APBB2: variants seen among roughly 807,000 people sequenced by gnomAD.
The protein encoded by APBB2 is amyloid beta precursor protein binding family B member 2, also known as Fe65-like 1.
In APBB2, 38 loss-of-function variants were observed where a neutral mutation model predicts 82.5. The observed-to-expected ratio is 0.46, with a 90% CI of 0.36 to 0.60. The LOEUF is 0.60. Among genes scored for constraint, APBB2 ranks in the 20% least tolerant of loss-of-function variants. The pLI, the probability that APBB2 is intolerant of heterozygous loss-of-function variation, is 0.00. For synonymous variants in APBB2, 341 were observed against 368.2 expected (o/e 0.93, Z 0.85); for missense variants, 772 against 972.3 (o/e 0.79, Z 2.74).
intron 1 of APBB2, among the ~76,000 whole-genome samples, chr4:41,194,665 A>AAAAAT: frequency 0.03 from 4,601 of 152,154 alleles, 139 homozygotes; most frequent in African/African-American, 0.08. Flanking sequence ...CCTTGCCTCA[A>AAAAAT]AAAATAAAAT....
chr4:40,986,210 C>T (rs1266407479), intron 6 of APBB2, among the ~76,000 whole-genome samples: 1 of 152,132 alleles, frequency 6.6e-6, no homozygotes, highest in Non-Finnish European at 1.5e-5. Context: ...TAAAAAAATT[C>T]CAAAACAATC....
At chr4:40,857,048 A>G in intron 12 of APBB2, 1 of 985,562 alleles carries the variant, frequency 1.0e-6, no homozygotes, top group Non-Finnish European at 1.2e-6. Flanking sequence ...GTCCTTCCGA[A>G]GTCGGGCGGG....
chr4:41,164,671 T>C (rs1309742676), intron 1 of APBB2, among the ~76,000 whole-genome samples: 1 of 152,218 alleles, frequency 6.6e-6, no homozygotes, highest in African/African-American at 2.4e-5. Context: ...TCACTTCTCG[T>C]TAAATGTTAA....
At chr4:41,139,387 C>A (rs1560855083) in intron 2 of APBB2, among the ~76,000 whole-genome samples, 1 of 152,018 alleles carries the variant, frequency 6.6e-6, no homozygotes, top group Non-Finnish European at 1.5e-5. Flanking sequence ...TCACAAAAAA[C>A]CTAAAACTGA....
In APBB2 at chr4:40,811,985, C is replaced by T. The variant is rs750106284; in HGVS notation, c.*4107G>A. 5.3e-5 allele frequency: 8 copies of T among 152,126 alleles called. No homozygotes were observed. The highest frequency in any genetic ancestry group is 8.8e-5 in the Non-Finnish European group (6 of 68,022). 9.4% of individuals were successfully genotyped at this position (152,126 alleles called of 1,614,324 possible). ...TCTTAAAGGAAGTGATAAACTTCTT[C>T]GTGCTAAAATATCACAATCCTAGCA... On this transcript the variant is annotated 3_prime_UTR_variant, in exon 18 of 18. Coordinates refer to ENST00000508593, the MANE Select transcript of APBB2 (RefSeq NM_004307.2).
At chr4:40,926,742 C>T (rs995705905) in intron 10 of APBB2, among the ~76,000 whole-genome samples, 1 of 152,258 alleles carries the variant, frequency 6.6e-6, no homozygotes, top group Non-Finnish European at 1.5e-5. Context: ...GAAGCGATAA[C>T]TGGGAACAGG....
chr4:41,146,441 C>A (rs1760772162), intron 1 of APBB2, among the ~76,000 whole-genome samples: 1 of 151,742 alleles, frequency 6.6e-6, no homozygotes, highest in Admixed American at 6.6e-5. Context: ...CTGCAGTGAG[C>A]TGAGGTCTCA....
chr4:40,825,926 C>G lies in APBB2; in HGVS notation c.1777G>C (p.Val593Leu). 6.2e-7 allele frequency: 1 copy of G among 1,614,146 alleles called. No individual in the cohort carries two copies. The highest frequency in any genetic ancestry group is 8.5e-7 in the Non-Finnish European group (1 of 1,180,006). Residue 593 changes from valine to leucine, a missense_variant, in exon 15 of 18, where the codon GTG (valine) becomes CTG (leucine). Transcript: ENST00000508593. ...PKTELVQKFHVQYLGMLPVDK... is the reference protein window; with the variant it reads ...PKTELVQKFHLQYLGMLPVDK... ...ACAGGTAACATGCCCAAGTACTGCA[C>G]GTGGAACTTCTGGACCAGCTCAGTC... is the stretch of plus-strand genomic sequence containing the variant.
At chr4:40,854,653 G>C (rs575087981) in intron 12 of APBB2, among the ~76,000 whole-genome samples, 1 of 152,086 alleles carries the variant, frequency 6.6e-6, no homozygotes, top group Non-Finnish European at 1.5e-5. Context: ...GCCATGTGTG[G>C]TGGCGGGCGC....
At chr4:40,881,460 C>T in intron 12 of APBB2, 1 of 809,500 alleles carries the variant, frequency 1.2e-6, no homozygotes, top group Non-Finnish European at 1.5e-6. Flanking sequence ...AGATAACTTT[C>T]AGATTAGCTC....
chr4:41,135,363 A>G (rs1757279356), intron 2 of APBB2, among the ~76,000 whole-genome samples: 1 of 152,174 alleles, frequency 6.6e-6, no homozygotes, highest in African/African-American at 2.4e-5. Flanking sequence ...CAATGTTGAT[A>G]CTTGTTTTTT....
intron 6 of APBB2, among the ~76,000 whole-genome samples, chr4:40,958,326 T>C (rs1489231329): frequency 2.0e-5 from 3 of 152,286 alleles, no homozygotes; most frequent in South Asian, 4.1e-4. Context: ...GCACATAGTA[T>C]ACAACATAGC....
chr4:40,879,973 T>G (rs1006016018), intron 12 of APBB2: 24 of 976,786 alleles, frequency 2.5e-5, no homozygotes, highest in Non-Finnish European at 2.6e-5. Context: ...ATTACAGGCA[T>G]GAGCCACTGC....
At chr4:41,096,682 G>C (rs969496301) in intron 3 of APBB2, among the ~76,000 whole-genome samples, 1 of 151,966 alleles carries the variant, frequency 6.6e-6, no homozygotes. Flanking sequence ...ATCATAATGG[G>C]AGAAAAAAAC....
chr4:40,992,183 GTTTTTAAGAGACAGGGTCTCA>G (rs1553899523), intron 6 of APBB2, among the ~76,000 whole-genome samples: 1 of 151,220 alleles, frequency 6.6e-6, no homozygotes, highest in Non-Finnish European at 1.5e-5. Flanking sequence ...TTTGTTGCTT[GTTTTTAAGAGACAGGGTCTCA>G]CTCTGTTGCA....
At chr4:40,817,388 G>A (rs1438726137) in intron 17 of APBB2, among the ~76,000 whole-genome samples, 5 of 152,006 alleles carry the variant, frequency 3.3e-5, no homozygotes, top group Admixed American at 1.3e-4. Context: ...CAGCCTGGGC[G>A]ACGGAGTGAA....
chr4:41,082,177 T>C (rs1418328466), intron 3 of APBB2, among the ~76,000 whole-genome samples: 2 of 152,158 alleles, frequency 1.3e-5, no homozygotes, highest in Non-Finnish European at 2.9e-5. Flanking sequence ...TAGACACATT[T>C]TAAAAACGTA....
At chr4:41,124,225 A>T (rs1425367223) in intron 2 of APBB2, among the ~76,000 whole-genome samples, 1 of 151,952 alleles carries the variant, frequency 6.6e-6, no homozygotes, top group Admixed American at 6.6e-5. Context: ...TATTTTATTT[A>T]TTTTATTTTT....
chr4:41,137,142 C>A (rs1361169736), intron 2 of APBB2, among the ~76,000 whole-genome samples: 1 of 152,062 alleles, frequency 6.6e-6, no homozygotes, highest in Non-Finnish European at 1.5e-5. Flanking sequence ...ACTATGTTAC[C>A]AAACACACGC....
Sources: allele counts gnomAD v4.1 joint callset (sites outside exome capture counted in the v4.1 genomes callset), GRCh38; gene constraint gnomAD v4.1.1; transcripts MANE v1.5; gene names NCBI Gene and HGNC (gene_info 2026-07-23, HGNC 2026-07-21).